Variants in ASPH observed in about 807,000 individuals in gnomAD.
ASPH encodes aspartate beta-hydroxylase.
Under a neutral mutation model 118.4 loss-of-function variants are expected in ASPH, and 100 were observed. The observed-to-expected ratio is 0.84, with a 90% CI of 0.72 to 1.00. The LOEUF is 1.00. Ranked by LOEUF, ASPH falls within the 50% of genes least tolerant of loss-of-function variation. The probability of loss-of-function intolerance (pLI) is 0.00; values close to 1 mark genes in which losing one functional copy is unlikely to be tolerated. For synonymous variants in ASPH, 315 were observed against 325.6 expected, an observed-to-expected ratio of 0.97 and a Z score of 0.35; for missense variants, 920 against 919.5, an observed-to-expected ratio of 1.00 and a Z score of -0.01.
In ASPH at chr8:61,502,565, T is replaced by TA. The variant is rs1415677401; in HGVS notation, c.*793dup. 1 of 152,196 alleles carries TA rather than the reference T, an allele frequency of 6.6e-6. No individual in the cohort carries two copies. The highest frequency in any genetic ancestry group is 1.9e-4 in the East Asian group (1 of 5,202). The allele number at this position is 152,196 out of a possible 1,614,324, so 9.4% of individuals were successfully genotyped here. Reference sequence around the variant, plus strand: ...CCCCAGAAGCTCTAATAATTGGCATTAAAAAAATTTGCATCTGGGATTTTT... The same window carrying TA: ...CCCCAGAAGCTCTAATAATTGGCATTAAAAAAAATTTGCATCTGGGATTTTT... On this transcript the variant is annotated 3_prime_UTR_variant, in exon 25 of 25. Transcript: ENST00000379454.
intron 1 of ASPH, among the ~76,000 whole-genome samples, chr8:61,701,408 A>C (rs988646853): frequency 2.6e-5 from 4 of 152,258 alleles, no homozygotes; most frequent in Non-Finnish European, 5.9e-5. Context: ...ACTGATAACA[A>C]GGTAATTCTA....
chr8:61,625,452 G>A (rs1852413070), intron 13 of ASPH: 4 of 985,208 alleles, frequency 4.1e-6, no homozygotes, highest in Non-Finnish European at 4.8e-6. Flanking sequence ...ATTTATACAG[G>A]TTTTCTAAAA....
chr8:61,560,079 A>G (rs1829273605), intron 18 of ASPH, among the ~76,000 whole-genome samples: 1 of 152,352 alleles, frequency 6.6e-6, no homozygotes, highest in Admixed American at 6.5e-5. Context: ...TTGGTACCAG[A>G]TTATAAACTT....
chr8:61,529,966 T>A (rs1270527044), intron 21 of ASPH, among the ~76,000 whole-genome samples: 2 of 152,190 alleles, frequency 1.3e-5, no homozygotes, highest in African/African-American at 4.8e-5. Flanking sequence ...GGAGTCAAAT[T>A]TCAATAGATG....
At position 61,517,527 on chromosome 8, in the gene ASPH, C is replaced by T. The variant is rs911089333; in HGVS notation, c.2126+1G>A. On this transcript the variant is annotated splice_donor_variant, in intron 24 of 24. Transcript: ENST00000379454. LOFTEE classifies it high-confidence loss of function. The stretch of plus-strand genomic sequence containing the variant: ...TATGACGGATAACAGAGGACCCATA[C>T]TTGGTCTCGTTGGCACATCGAATCT... 4.3e-6 allele frequency: 7 copies of T among 1,613,790 alleles called. No homozygotes were observed. The highest frequency in any genetic ancestry group is 1.3e-5 in the African/African-American group (1 of 74,922).
chr8:61,644,716 C>T lies in ASPH; in HGVS notation c.620-84G>A, dbSNP rs112002500. Reference sequence around the variant, plus strand: ...CCCGTATATGTACTCTGAATCTATGCTTATCATTAATTTTATTTAAAAAAT... The same window carrying T: ...CCCGTATATGTACTCTGAATCTATGTTTATCATTAATTTTATTTAAAAAAT... On this transcript the variant is annotated intron_variant, in intron 6 of 24. Transcript: ENST00000379454. The T allele has an allele frequency of 4.0e-6, 4 of 1,012,644 alleles. No homozygotes were observed. In the African/African-American group the frequency reaches 6.8e-5, roughly 17 times the overall value. 62.7% of individuals were successfully genotyped at this position (1,012,644 alleles called of 1,614,324 possible). A position where few individuals can be genotyped will look rare whatever the true frequency, so the allele number is the denominator to read the frequency against.
chr8:61,594,793 C>T (rs1478473406), intron 14 of ASPH, among the ~76,000 whole-genome samples: 2 of 152,116 alleles, frequency 1.3e-5, no homozygotes, highest in Non-Finnish European at 2.9e-5. Flanking sequence ...AGGTTTGGTA[C>T]TATTCATAGT....
chr8:61,579,773 G>A (rs1173182997), intron 15 of ASPH: 2 of 789,506 alleles, frequency 2.5e-6, no homozygotes, highest in Non-Finnish European at 4.4e-6. Flanking sequence ...AGACCCACCT[G>A]AGGCTCAGCC....
At chr8:61,645,878 T>C (rs1807681186) in intron 6 of ASPH, among the ~76,000 whole-genome samples, 1 of 152,234 alleles carries the variant, frequency 6.6e-6, no homozygotes, top group South Asian at 2.1e-4. Context: ...TTTTCATTTT[T>C]ATGCTTTTAA....
chr8:61,640,584 C>A (rs1414642221), intron 10 of ASPH, among the ~76,000 whole-genome samples: 1 of 152,196 alleles, frequency 6.6e-6, no homozygotes, highest in African/African-American at 2.4e-5. Flanking sequence ...TTCTTGTTAC[C>A]ACTGTACTTG....
At chr8:61,546,380 G>C (rs1823872463) in intron 21 of ASPH, among the ~76,000 whole-genome samples, 1 of 152,130 alleles carries the variant, frequency 6.6e-6, no homozygotes, top group African/African-American at 2.4e-5. Context: ...CTCACAAAGA[G>C]ATCATGAATA....
intron 21 of ASPH, among the ~76,000 whole-genome samples, chr8:61,547,531 T>C (rs766663281): frequency 3.9e-5 from 6 of 152,176 alleles, no homozygotes; most frequent in African/African-American, 1.2e-4. Flanking sequence ...CTACATGAGG[T>C]AGGACATCAC....
At chr8:61,546,951 A>T (rs770878371) in intron 21 of ASPH, among the ~76,000 whole-genome samples, 7 of 152,248 alleles carry the variant, frequency 4.6e-5, no homozygotes, top group Non-Finnish European at 8.8e-5. Flanking sequence ...CTTCTTGCAC[A>T]TGTAAAATCA....
In ASPH at chr8:61,569,751, C is replaced by T. The variant is rs1430816066; in HGVS notation, c.1150-2433G>A. On this transcript the variant is annotated intron_variant, in intron 16 of 24. Transcript: ENST00000379454. The stretch of plus-strand genomic sequence containing the variant: ...GATTAGAAAAGGAAATTCACCCTTG[C>T]TAAATGGAGATATGCTCCAGACCAT... Among the ~76,000 whole-genome samples, 3 of 152,164 alleles carry T rather than the reference C, an allele frequency of 2.0e-5. No homozygotes were observed. The East Asian group carries it at 5.8e-4, about 29-fold the overall frequency.
At chr8:61,607,210 C>T (rs764247008) in intron 14 of ASPH, 10 of 689,892 alleles carry the variant, frequency 1.4e-5, no homozygotes, top group Middle Eastern at 2.5e-4. Context: ...CTGTTATCTT[C>T]TTTATTCAGT....
chr8:61,505,374 A>T (rs1177487190), intron 24 of ASPH, among the ~76,000 whole-genome samples: 1 of 152,002 alleles, frequency 6.6e-6, no homozygotes, highest in Admixed American at 6.6e-5. Context: ...GCATGCCTGT[A>T]ATCCCAGCTA....
chr8:61,664,369 A>G (rs2151327067), intron 3 of ASPH: 1 of 976,372 alleles, frequency 1.0e-6, no homozygotes, highest in South Asian at 4.7e-5. Context: ...TTCTAATCTG[A>G]AATAATTAAA....
intron 14 of ASPH, among the ~76,000 whole-genome samples, chr8:61,613,399 C>A (rs755178129): frequency 6.6e-6 from 1 of 152,184 alleles, no homozygotes; most frequent in Admixed American, 6.5e-5. Context: ...AAATCTCTAT[C>A]TATTTCTATA....
chr8:61,655,980 G>A (rs551852882), intron 3 of ASPH: 19 of 152,176 alleles, frequency 1.2e-4, no homozygotes, highest in Non-Finnish European at 2.4e-4. Context: ...CAACCCATAT[G>A]GAAGAATTTG....
Sources: gnomAD v4.1 joint callset for allele counts (sites outside exome capture counted in the v4.1 genomes callset) on GRCh38, gnomAD v4.1.1 for gene constraint, MANE v1.5 for transcripts, NCBI Gene and HGNC (gene_info 2026-07-23, HGNC 2026-07-21) for gene names.